TP53BP2: variants seen among roughly 807,000 people sequenced by gnomAD.
TP53BP2 encodes apoptosis-stimulating of p53 protein 2.
A neutral mutation model predicts 126.2 loss-of-function variants in TP53BP2; 62 were observed. The observed-to-expected ratio is 0.49, with a 90% CI of 0.40 to 0.61. The LOEUF is 0.61. TP53BP2 is among the 20% of genes least tolerant of loss of function. The pLI, the probability that TP53BP2 is intolerant of heterozygous loss-of-function variation, is 0.00. For missense variants in TP53BP2, 1,215 were observed against 1,402.8 expected, an observed-to-expected ratio of 0.87 and a Z score of 2.14; for synonymous variants, 485 against 502.9, an observed-to-expected ratio of 0.96 and a Z score of 0.48.
At chr1:223,793,584 A>G (rs1662221621) in intron 13 of TP53BP2, 144 bp from the exon 14 acceptor site, 2 of 904,830 alleles carry the variant, frequency 2.2e-6, no homozygotes, top group South Asian at 2.8e-5. Flanking sequence ...GAAGTATAAC[A>G]TTATTCAGAA....
intron 1 of TP53BP2, among the ~76,000 whole-genome samples, chr1:223,824,930 G>A (rs1400636435): frequency 6.6e-6 from 1 of 151,742 alleles, no homozygotes; most frequent in African/African-American, 2.4e-5. Flanking sequence ...GTATGCCAGT[G>A]TAACTCTCCC....
At chr1:223,789,371 CAG>C (rs1161884062) in intron 15 of TP53BP2, among the ~76,000 whole-genome samples, 197 bp from the exon 16 acceptor site, 5 of 152,180 alleles carry the variant, frequency 3.3e-5, no homozygotes, top group Admixed American at 6.5e-5. Flanking sequence ...ATGAAAATTT[CAG>C]AGAGTCATGG....
At chr1:223,808,063 C>T (rs995140293) in intron 4 of TP53BP2, among the ~76,000 whole-genome samples, 1 of 152,040 alleles carries the variant, frequency 6.6e-6, no homozygotes, top group Non-Finnish European at 1.5e-5. Context: ...GTGGTATTGA[C>T]GTCAAAATAG....
chr1:223,827,518 A>G (rs1286707856), intron 1 of TP53BP2, among the ~76,000 whole-genome samples: 1 of 152,252 alleles, frequency 6.6e-6, no homozygotes, highest in East Asian at 1.9e-4. Context: ...GAGGCACAGT[A>G]CAGACAACTA....
At position 223,789,042 on chromosome 1, in the gene TP53BP2, C is replaced by T. The variant is rs892181210; in HGVS notation, c.3129G>A (p.Glu1043=). 3.1e-6 allele frequency: 5 copies of T among 1,614,070 alleles called. No individual in the cohort carries two copies. The highest frequency in any genetic ancestry group is 2.7e-5 in the African/African-American group (2 of 74,930). ...ATTGGGAGCACTGAGTGTAGCCTTC[C>T]TCCATTTCCTCGCACTTATCTGCAG... The part of the protein sequence containing the change: ...QTAADKCEEM[E]EGYTQCSQFL... Residue 1043 remains glutamate (E), a synonymous_variant, in exon 16 of 18, where the codon GAG becomes GAA. Transcript: ENST00000343537.
chr1:223,799,755 A>G, intron 11 of TP53BP2, 144 bp downstream of exon 11: 1 of 749,358 alleles, frequency 1.3e-6, no homozygotes, highest in East Asian at 3.1e-5. Context: ...AAGAGAAATT[A>G]AAATAACAGA....
intron 1 of TP53BP2, among the ~76,000 whole-genome samples, chr1:223,833,337 A>G (rs1663808756): frequency 6.6e-6 from 1 of 152,220 alleles, no homozygotes; most frequent in Non-Finnish European, 1.5e-5. Flanking sequence ...TTTACTTCAT[A>G]AACTATTCCT....
rs577832212 is a variant in TP53BP2 at position 223,843,924 on chromosome 1, T to C, written c.27+1730A>G. On this transcript the variant is annotated intron_variant, in intron 1 of 17. Transcript: ENST00000343537. ...CTGAGAATCTCCACTTTAACCAACA[T>C]TGGAAATTCAGAGGCGTTTATCTAC... Among the ~76,000 whole-genome samples, 27 of 152,308 alleles carry C rather than the reference T, an allele frequency of 1.8e-4. No homozygotes were observed. In the South Asian group the frequency reaches 5.2e-3, roughly 29 times the overall value.
intron 1 of TP53BP2, among the ~76,000 whole-genome samples, chr1:223,837,165 CG>C (rs1377073959): frequency 3.5e-4 from 19 of 54,172 alleles, no homozygotes; most frequent in Non-Finnish European, 3.1e-4. Context: ...AGGGGGGGGG[CG>C]GGGGGTCAAG....
chr1:223,832,602 C>CACTGCTTA (rs1663779126), intron 1 of TP53BP2, among the ~76,000 whole-genome samples: 1 of 152,192 alleles, frequency 6.6e-6, no homozygotes, highest in Non-Finnish European at 1.5e-5. Flanking sequence ...TAAGATATAA[C>CACTGCTTA]CAAAGTTTCT....
At position 223,804,167 on chromosome 1, in the gene TP53BP2, A is replaced by G. The variant is rs1265745404; in HGVS notation, c.649+7T>C. ...ATAAAAAAGTAAATCTATGAGGAAC[A>G]ACTCACCAAGTTTCCCATTGCTTAG... On this transcript the variant is annotated splice_region_variant and intron_variant, in intron 6 of 17. Coordinates refer to ENST00000343537, the MANE Select transcript of TP53BP2 (RefSeq NM_001031685.3). 6.3e-7 allele frequency: 1 copy of G among 1,598,508 alleles called. No homozygotes were observed. The highest frequency in any genetic ancestry group is 8.5e-7 in the Non-Finnish European group (1 of 1,175,742).
chr1:223,802,197 A>G lies in TP53BP2; in HGVS notation c.1144T>C (p.Leu382=). Residue 382 remains leucine (L), a synonymous_variant, in exon 9 of 18, where the codon TTG becomes CTG. Transcript: ENST00000343537. ...GGCCCCTCTGAAGCCTGAATGACCA[A>G]GGAACCATCCGGCAGGGCTGGCTTC... The part of the protein sequence containing the change: ...LVKPALPDGS[L]VIQASEGPMK... 6.2e-7 allele frequency: 1 copy of G among 1,614,208 alleles called. No homozygotes were observed. The highest frequency in any genetic ancestry group is 8.5e-7 in the Non-Finnish European group (1 of 1,180,036).
chr1:223,799,384 T>G (rs1038152772), intron 11 of TP53BP2, among the ~76,000 whole-genome samples: 3 of 152,214 alleles, frequency 2.0e-5, no homozygotes, highest in Non-Finnish European at 4.4e-5. Flanking sequence ...TCTGGGCAAT[T>G]TTAATACATT....
At chr1:223,797,788 G>A (rs1194296914) in intron 12 of TP53BP2, among the ~76,000 whole-genome samples, 3 of 151,686 alleles carry the variant, frequency 2.0e-5, no homozygotes, top group Non-Finnish European at 4.4e-5. Context: ...TGATGTGTGT[G>A]TGTGTATATA....
chr1:223,836,571 T>C (rs1230049864), intron 1 of TP53BP2, among the ~76,000 whole-genome samples: 1 of 152,218 alleles, frequency 6.6e-6, no homozygotes, highest in Non-Finnish European at 1.5e-5. Flanking sequence ...TATTTTATGC[T>C]GTAAGGAACA....
At chr1:223,835,965 T>A (rs1663908943) in intron 1 of TP53BP2, among the ~76,000 whole-genome samples, 1 of 151,926 alleles carries the variant, frequency 6.6e-6, no homozygotes, top group Admixed American at 6.6e-5. Context: ...ATAAAAGAAG[T>A]ACTATTAAGC....
At chr1:223,784,074 C>T (rs780245630) in intron 17 of TP53BP2, 41 bp downstream of exon 17, 4 of 1,587,462 alleles carry the variant, frequency 2.5e-6, no homozygotes, top group South Asian at 2.2e-5. Context: ...AAGCCCCTCT[C>T]TGGCACATAT....
intron 9 of TP53BP2, 54 bp downstream of exon 9, chr1:223,802,062 T>C: frequency 3.3e-6 from 5 of 1,520,608 alleles, no homozygotes; most frequent in Non-Finnish European, 4.5e-6. Context: ...AAACTCAAAC[T>C]TGGGAGAAAG....
intron 7 of TP53BP2, 118 bp downstream of exon 7, chr1:223,803,153 C>A (rs1281885233): frequency 1.6e-6 from 2 of 1,281,582 alleles, no homozygotes; most frequent in Non-Finnish European, 2.1e-6. Context: ...GTTCCCCCCA[C>A]AACCTGCCTT....
Sources: allele counts gnomAD v4.1 joint callset (sites outside exome capture counted in the v4.1 genomes callset), GRCh38; gene constraint gnomAD v4.1.1; transcripts MANE v1.5; gene names NCBI Gene and HGNC (gene_info 2026-07-23, HGNC 2026-07-21).